The following NUP37 variants were observed in gnomAD, a reference collection of about 807,000 sequenced individuals.
NUP37 encodes nucleoporin 37, also known as nucleoporin Nup37.
A neutral mutation model predicts 45.4 loss-of-function variants in NUP37; 33 were observed. The observed-to-expected ratio is 0.73, with a 90% CI of 0.55 to 0.97. The LOEUF (loss-of-function observed/expected upper bound fraction) is 0.97. NUP37 is among the 50% of genes least tolerant of loss of function. The probability of loss-of-function intolerance (pLI) is 0.00; values close to 1 mark genes in which losing one functional copy is unlikely to be tolerated. For missense variants in NUP37, 365 were observed against 389.7 expected (o/e 0.94, Z 0.53); for synonymous variants, 127 against 130.7 (o/e 0.97, Z 0.19).
intron 8 of NUP37, 108 bp downstream of exon 8, chr12:102,076,689 A>AG: frequency 2.4e-6 from 2 of 837,028 alleles, no homozygotes; most frequent in Non-Finnish European, 1.9e-6. Context: ...TAAAACAATA[A>AG]GGGAAAAAAA....
intron 6 of NUP37, among the ~76,000 whole-genome samples, chr12:102,081,091 C>T (rs1408819966): frequency 1.3e-5 from 2 of 152,068 alleles, no homozygotes; most frequent in East Asian, 1.9e-4. Context: ...TTCTGTGTTT[C>T]GGGTTCTTAT....
At chr12:102,119,367 T>C (rs1157786543) in intron 1 of NUP37, 1 of 152,162 alleles carries the variant, frequency 6.6e-6, no homozygotes, top group Non-Finnish European at 1.5e-5. Context: ...GTTTTACCTT[T>C]GTAATAAACC....
rs752007926 is a variant in NUP37 at position 102,076,834 on chromosome 12, T to C, written c.736A>G (p.Lys246Glu). The change falls in exon 8 of 10, where the codon AAG becomes GAG. Residue 246 changes from lysine to glutamate, a missense_variant. Transcript: ENST00000552283. ...DITRSSYPQN[K>E]RPVHMDRACL... ...GCTCGATCCATGTGAACAGGTCTCT[T>C]ATTTTGAGGATAACTAAAAGATAAT... is the stretch of plus-strand genomic sequence containing the variant. 3 of 1,612,904 alleles carry C rather than the reference T, an allele frequency of 1.9e-6. No individual in the cohort carries two copies. The East Asian group carries it at 6.7e-5, about 36-fold the overall frequency.
chr12:102,099,287 T>G, intron 4 of NUP37, 87 bp from the exon 5 acceptor site: 1 of 900,966 alleles, frequency 1.1e-6, no homozygotes, highest in Non-Finnish European at 1.8e-6. Flanking sequence ...TTCACTGCCT[T>G]AAAAGCTTTC....
chr12:102,120,088 TC>T lies in NUP37; in HGVS notation c.-105del, dbSNP rs1367354200. 1 of 171,538 alleles carries T rather than the reference TC, an allele frequency of 5.8e-6. No homozygotes were observed. The highest frequency in any genetic ancestry group is 1.3e-5 in the Non-Finnish European group (1 of 78,318). The allele number at this position is 171,538 out of a possible 1,614,324, so 10.6% of individuals were successfully genotyped here. ...GAACCGACCAGAGGCAGGCTGGTCTTCCTTGGGGGCTGCCGCGACGCGCTGT... is the reference window on the plus strand; with the variant it reads ...GAACCGACCAGAGGCAGGCTGGTCTTCTTGGGGGCTGCCGCGACGCGCTGT... On this transcript the variant is annotated 5_prime_UTR_variant, in exon 1 of 10. Coordinates refer to ENST00000552283, the MANE Select transcript of NUP37 (RefSeq NM_024057.4).
chr12:102,109,189 A>G (rs934707317), intron 3 of NUP37, among the ~76,000 whole-genome samples: 4 of 152,204 alleles, frequency 2.6e-5, no homozygotes, highest in Non-Finnish European at 5.9e-5. Context: ...AATAACATGA[A>G]CAATGAATTC....
At chr12:102,109,940 C>T (rs1022552672) in intron 3 of NUP37, among the ~76,000 whole-genome samples, 8 of 152,146 alleles carry the variant, frequency 5.3e-5, no homozygotes, top group African/African-American at 1.9e-4. Flanking sequence ...GATATTGTGA[C>T]CACTTTCTTT....
At chr12:102,105,455 G>A (rs1330325871) in intron 3 of NUP37, among the ~76,000 whole-genome samples, 4 of 152,070 alleles carry the variant, frequency 2.6e-5, no homozygotes, top group Admixed American at 6.5e-5. Flanking sequence ...TCTTGAGCCC[G>A]GGAGGCGGAG....
intron 2 of NUP37, among the ~76,000 whole-genome samples, chr12:102,117,576 T>A (rs922838211): frequency 6.6e-6 from 1 of 152,272 alleles, no homozygotes; most frequent in African/African-American, 2.4e-5. Flanking sequence ...ACATGGTTTA[T>A]GTTCACCACA....
chr12:102,118,564 T>G lies in NUP37; in HGVS notation c.-46A>C. On this transcript the variant is annotated 5_prime_UTR_variant, in exon 2 of 10. Transcript: ENST00000552283. ...CAGTTGTGAAAATTAAATAGCCTTC[T>G]ACTGGACAAGGTCACGAAACTGTGG... The G allele has an allele frequency of 6.4e-7, 1 of 1,573,964 alleles. No homozygotes were observed. The highest frequency in any genetic ancestry group is 8.6e-7 in the Non-Finnish European group (1 of 1,156,560).
chr12:102,089,715 C>T (rs968087327), intron 5 of NUP37, among the ~76,000 whole-genome samples: 6 of 147,462 alleles, frequency 4.1e-5, no homozygotes, highest in Non-Finnish European at 7.5e-5. Flanking sequence ...ACTTCCCAGA[C>T]GAGGCGGCCG....
intron 5 of NUP37, among the ~76,000 whole-genome samples, chr12:102,089,215 C>T (rs1362382080): frequency 3.9e-5 from 6 of 152,042 alleles, no homozygotes; most frequent in African/African-American, 1.2e-4. Context: ...TCTCGATGGT[C>T]GCTGTCTCTT....
At chr12:102,108,389 G>C (rs894563986) in intron 3 of NUP37, among the ~76,000 whole-genome samples, 3 of 152,162 alleles carry the variant, frequency 2.0e-5, no homozygotes, top group Non-Finnish European at 4.4e-5. Context: ...GTTTGTCAGG[G>C]GCTCTTGGGC....
chr12:102,082,651 C>T (rs11111155), intron 6 of NUP37, among the ~76,000 whole-genome samples: 23,018 of 152,120 alleles, frequency 0.15, 1,842 homozygotes, highest in Non-Finnish European at 0.18. Context: ...GGATCTGACT[C>T]CAGGCAGTTA....
chr12:102,085,708 T>C (rs1216377306), intron 6 of NUP37, 58 bp downstream of exon 6: 108 of 781,508 alleles, frequency 1.4e-4, no homozygotes, highest in Non-Finnish European at 4.1e-6. Context: ...GTATGTGATG[T>C]CTTATATCTC....
intron 4 of NUP37, 68 bp from the exon 5 acceptor site, chr12:102,099,268 T>C (rs1879904555): frequency 1.8e-6 from 2 of 1,107,570 alleles, no homozygotes; most frequent in Admixed American, 3.8e-5. Flanking sequence ...TCCTACATAA[T>C]ATTTTTGCTT....
intron 4 of NUP37, among the ~76,000 whole-genome samples, chr12:102,100,763 T>C (rs969607939): frequency 6.6e-6 from 1 of 152,206 alleles, no homozygotes; most frequent in African/African-American, 2.4e-5. Context: ...CAACTGTAAA[T>C]TTCTAGTTTT....
chr12:102,093,289 T>A (rs1272848821), intron 5 of NUP37, among the ~76,000 whole-genome samples: 1 of 152,132 alleles, frequency 6.6e-6, no homozygotes, highest in Non-Finnish European at 1.5e-5. Context: ...TCAATTTGTA[T>A]GCTGTTGCTT....
chr12:102,077,463 T>G lies in NUP37; in HGVS notation c.581A>C (p.Asp194Ala). ...AEKNGTIRFY[D>A]LLAQQAILSL... is the part of the protein sequence containing the mutation. ...TAAAATAGCCTGTTGGGCCAAAAGA[T>G]CATAAAACCGGATTGTTCCATTCTT... Residue 194 changes from aspartate to alanine, a missense_variant, in exon 7 of 10, where the codon GAT becomes GCT. Asp to Ala is a moderately radical substitution (Grantham distance 126). Coordinates refer to ENST00000552283, the MANE Select transcript of NUP37 (RefSeq NM_024057.4). 6.2e-7 allele frequency: 1 copy of G among 1,613,866 alleles called. No homozygotes were observed. The highest frequency in any genetic ancestry group is 1.3e-5 in the African/African-American group (1 of 75,062).
Sources: allele counts gnomAD v4.1 joint callset (sites outside exome capture counted in the v4.1 genomes callset), GRCh38; gene constraint gnomAD v4.1.1; transcripts MANE v1.5; gene names NCBI Gene and HGNC (gene_info 2026-07-23, HGNC 2026-07-21).